Variants in EEFSEC observed in about 807,000 individuals in gnomAD.
EEFSEC encodes eukaryotic elongation factor, selenocysteine-tRNA specific.
Under a neutral mutation model 42.1 loss-of-function variants are expected in EEFSEC, and 43 were observed. The ratio of observed to expected loss-of-function variants is 1.02; its 90% CI spans 0.80 to 1.32. The LOEUF is 1.32. Ranked by LOEUF, EEFSEC falls within the 40% of genes most tolerant of loss-of-function variation. The pLI is 0.00. For synonymous variants in EEFSEC, 354 were observed against 339.1 expected (o/e 1.04, Z -0.48); for missense variants, 745 against 803.6 (o/e 0.93, Z 0.88).
chr3:128,414,332 C>T, the EEFSEC span, among the ~76,000 whole-genome samples: 11 of 152,250 alleles, frequency 7.2e-5, no homozygotes, highest in African/African-American at 2.7e-4. Context: ...GGCAGCCACT[C>T]TCTGCAGGGC....
the EEFSEC span, among the ~76,000 whole-genome samples, chr3:128,420,589 G>A: frequency 3.3e-5 from 5 of 152,190 alleles, no homozygotes; most frequent in Non-Finnish European, 4.4e-5. Flanking sequence ...CACCTTTGAC[G>A]AGCCCTCCAC....
intron 6 of EEFSEC, among the ~76,000 whole-genome samples, chr3:128,400,969 A>G (rs550113850): frequency 1.3e-5 from 2 of 152,296 alleles, no homozygotes; most frequent in South Asian, 4.1e-4. Context: ...CCCCAGGGTC[A>G]TGGCCGCCCG....
chr3:128,199,945 G>A (rs1277428438), intron 1 of EEFSEC, among the ~76,000 whole-genome samples: 1 of 152,060 alleles, frequency 6.6e-6, no homozygotes, highest in South Asian at 2.1e-4. Flanking sequence ...CTTTGGCCAG[G>A]CTGGCCTTGA....
At chr3:128,261,551 C>CTTTTTT (rs386397883) in intron 2 of EEFSEC, among the ~76,000 whole-genome samples, 6 of 106,882 alleles carry the variant, frequency 5.6e-5, no homozygotes, top group East Asian at 5.5e-4. Flanking sequence ...CTCTTTCCCT[C>CTTTTTT]TTTTTTTTTT....
chr3:128,292,977 A>AT (rs1470293198), intron 4 of EEFSEC, among the ~76,000 whole-genome samples: 1 of 152,154 alleles, frequency 6.6e-6, no homozygotes, highest in Non-Finnish European at 1.5e-5. Context: ...ATGATGTGCC[A>AT]TTTTTTAATC....
At chr3:128,199,666 T>C (rs993533540) in intron 1 of EEFSEC, among the ~76,000 whole-genome samples, 3 of 152,224 alleles carry the variant, frequency 2.0e-5, no homozygotes, top group African/African-American at 4.8e-5. Flanking sequence ...GTTGGGGCAG[T>C]TGCATTTTAA....
rs564387356 is a variant in EEFSEC at position 128,246,642 on chromosome 3, C to T, written c.317-194C>T. On this transcript the variant is annotated intron_variant, in intron 1 of 6. Coordinates refer to ENST00000254730, the MANE Select transcript of EEFSEC (RefSeq NM_021937.5). Reference sequence around the variant, plus strand: ...CTCTGTGTTTTGTGGACCTCAGTTTCCTCATCTGCCATGGCAGTTCTGAAG... The same window carrying T: ...CTCTGTGTTTTGTGGACCTCAGTTTTCTCATCTGCCATGGCAGTTCTGAAG... Among the ~76,000 whole-genome samples, 8 of 152,336 alleles carry T rather than the reference C, an allele frequency of 5.3e-5. No homozygotes were observed. In the South Asian group the frequency reaches 1.7e-3, roughly 32 times the overall value.
At chr3:128,364,215 C>CG in intron 6 of EEFSEC, among the ~76,000 whole-genome samples, 1 of 152,258 alleles carries the variant, frequency 6.6e-6, no homozygotes, top group Non-Finnish European at 1.5e-5. Flanking sequence ...AGGGCTCGGG[C>CG]GGGGGATACT....
the EEFSEC span, among the ~76,000 whole-genome samples, chr3:128,422,239 T>G: frequency 6.6e-6 from 1 of 152,180 alleles, no homozygotes; most frequent in African/African-American, 2.4e-5. Flanking sequence ...GGCAGGACTG[T>G]CACCTCCAGA....
At chr3:128,211,856 T>C (rs1481768145) in intron 1 of EEFSEC, among the ~76,000 whole-genome samples, 33 of 113,704 alleles carry the variant, frequency 2.9e-4, no homozygotes, top group African/African-American at 6.4e-4. Context: ...TTCTTTTTTT[T>C]TTTTTTTTTT....
At chr3:128,190,011 TG>T (rs1434046039) in intron 1 of EEFSEC, among the ~76,000 whole-genome samples, 2 of 152,156 alleles carry the variant, frequency 1.3e-5, no homozygotes, top group African/African-American at 2.4e-5. Flanking sequence ...TACAGGTGCA[TG>T]CTGCCATGCC....
chr3:128,385,318 G>T (rs2067826051), intron 6 of EEFSEC, among the ~76,000 whole-genome samples: 1 of 152,228 alleles, frequency 6.6e-6, no homozygotes, highest in Non-Finnish European at 1.5e-5. Context: ...GCAGTGGGGA[G>T]CGGGGAGTGT....
intron 4 of EEFSEC, among the ~76,000 whole-genome samples, chr3:128,311,706 G>C (rs2066891881): frequency 6.6e-6 from 1 of 152,258 alleles, no homozygotes; most frequent in African/African-American, 2.4e-5. Context: ...TCTCTTTTCA[G>C]AGTGTTTCTG....
chr3:128,246,378 C>T (rs2066127671), intron 1 of EEFSEC, among the ~76,000 whole-genome samples: 1 of 152,250 alleles, frequency 6.6e-6, no homozygotes, highest in Admixed American at 6.5e-5. Flanking sequence ...AATCCTCCCC[C>T]TTCTGCCTCC....
At chr3:128,384,395 T>G (rs2067813115) in intron 6 of EEFSEC, among the ~76,000 whole-genome samples, 1 of 152,186 alleles carries the variant, frequency 6.6e-6, no homozygotes, top group South Asian at 2.1e-4. Context: ...AGGTGATTTG[T>G]GGGGTCCAGC....
chr3:128,197,416 A>G (rs1319688843), intron 1 of EEFSEC, among the ~76,000 whole-genome samples: 2 of 152,138 alleles, frequency 1.3e-5, no homozygotes, highest in African/African-American at 4.8e-5. Flanking sequence ...GATTACAGGC[A>G]CATGCCATCA....
chr3:128,292,726 T>C (rs2066657827), intron 4 of EEFSEC, among the ~76,000 whole-genome samples: 1 of 151,892 alleles, frequency 6.6e-6, no homozygotes, highest in African/African-American at 2.4e-5. Context: ...GTTTGTTTAT[T>C]TTATTAATCT....
Position 128,203,395 on chromosome 3 carries a change from A to T in EEFSEC, c.317-43441A>T, listed in dbSNP as rs564031454. ...GATGTCATTGTTTCCACCTGGGCAG[A>T]GGAAGATGATGAGTGTTGGCGATGG... On this transcript the variant is annotated intron_variant, in intron 1 of 6. Coordinates refer to ENST00000254730, the MANE Select transcript of EEFSEC (RefSeq NM_021937.5). 2.0e-5 allele frequency among the ~76,000 whole-genome samples: 3 copies of T among 152,330 alleles called. No individual in the cohort carries two copies. The East Asian group carries it at 5.8e-4, about 29-fold the overall frequency.
At chr3:128,308,168 G>C (rs2066852302) in intron 4 of EEFSEC, among the ~76,000 whole-genome samples, 1 of 152,244 alleles carries the variant, frequency 6.6e-6, no homozygotes, top group African/African-American at 2.4e-5. Context: ...CCAGGAGTGG[G>C]TCTCAGAAGA....
Sources: allele counts gnomAD v4.1 joint callset (sites outside exome capture counted in the v4.1 genomes callset), GRCh38; gene constraint gnomAD v4.1.1; transcripts MANE v1.5; gene names NCBI Gene and HGNC (gene_info 2026-07-23, HGNC 2026-07-21).